Variants in CPED1 observed in about 807,000 individuals in gnomAD.
The protein encoded by CPED1 is cadherin-like and PC-esterase domain-containing protein 1.
CPED1 carries 114 observed loss-of-function variants against 128.2 expected under a neutral mutation model. That is an observed-to-expected ratio of 0.89 (90% CI 0.76 to 1.04). CPED1 has a LOEUF of 1.04. Among genes scored for constraint, CPED1 ranks in the 50% least tolerant of loss-of-function variants. The pLI, the probability that CPED1 is intolerant of heterozygous loss-of-function variation, is 0.00. For missense variants in CPED1, 1,211 were observed against 1,207.1 expected (o/e 1.00, Z -0.05); for synonymous variants, 462 against 426.7 (o/e 1.08, Z -1.02).
chr7:121,021,428 GT>G (rs1792438586), intron 3 of CPED1, among the ~76,000 whole-genome samples: 1 of 151,870 alleles, frequency 6.6e-6, no homozygotes, highest in African/African-American at 2.4e-5. Context: ...TGTTTCTGTA[GT>G]TTGTATAGAA....
chr7:120,990,713 T>C (rs1319744903), intron 2 of CPED1, among the ~76,000 whole-genome samples: 2 of 152,206 alleles, frequency 1.3e-5, no homozygotes, highest in Non-Finnish European at 1.5e-5. Flanking sequence ...CAAGTAGTAT[T>C]GTAGCAACAA....
At chr7:121,019,167 A>C (rs760959508) in intron 3 of CPED1, among the ~76,000 whole-genome samples, 7 of 152,038 alleles carry the variant, frequency 4.6e-5, no homozygotes, top group Admixed American at 6.6e-5. Context: ...TATGGGTGTT[A>C]TGTCACCCCA....
At chr7:121,143,593 A>G (rs967658356) in intron 16 of CPED1, among the ~76,000 whole-genome samples, 16 of 152,046 alleles carry the variant, frequency 1.1e-4, no homozygotes, top group Non-Finnish European at 1.8e-4. Context: ...AAATGTTTAA[A>G]AAAATAAACA....
At chr7:121,180,121 C>T (rs559606934) in intron 16 of CPED1, among the ~76,000 whole-genome samples, 1 of 152,082 alleles carries the variant, frequency 6.6e-6, no homozygotes. Context: ...ACATGGTGGT[C>T]CCAAAGACCA....
At chr7:120,992,277 A>G (rs914271810) in intron 2 of CPED1, among the ~76,000 whole-genome samples, 1 of 152,124 alleles carries the variant, frequency 6.6e-6, no homozygotes, top group African/African-American at 2.4e-5. Context: ...GGATTTTGTT[A>G]TTACTTTTAT....
At chr7:121,084,796 G>A (rs144139119) in intron 5 of CPED1, among the ~76,000 whole-genome samples, 212 of 152,360 alleles carry the variant, frequency 1.4e-3, no homozygotes, top group African/African-American at 4.7e-3. Context: ...GGGACAATGT[G>A]TTGTTGCACA....
At chr7:121,211,955 A>G (rs1335763589) in intron 16 of CPED1, among the ~76,000 whole-genome samples, 4 of 152,058 alleles carry the variant, frequency 2.6e-5, no homozygotes, top group African/African-American at 7.2e-5. Context: ...TTATATCTTG[A>G]CATTTCTTCA....
chr7:121,022,982 A>G (rs1161575042), intron 3 of CPED1, among the ~76,000 whole-genome samples: 1 of 152,070 alleles, frequency 6.6e-6, no homozygotes, highest in Non-Finnish European at 1.5e-5. Flanking sequence ...GCTATTCAGT[A>G]AATCATTGTT....
At chr7:121,286,362 G>A (rs1400572041) in intron 22 of CPED1, among the ~76,000 whole-genome samples, 1 of 152,150 alleles carries the variant, frequency 6.6e-6, no homozygotes, top group Admixed American at 6.5e-5. Context: ...CTGAAATTAA[G>A]TAGAAGACAC....
At chr7:121,162,687 C>T (rs1471186344) in intron 16 of CPED1, among the ~76,000 whole-genome samples, 3 of 152,218 alleles carry the variant, frequency 2.0e-5, no homozygotes, top group South Asian at 2.1e-4. Context: ...TAAACAATGT[C>T]ATCTGTTTCC....
chr7:120,989,763 G>T lies in CPED1; in HGVS notation c.142G>T (p.Ala48Ser). The change falls in exon 2 of 23, where the codon GCT (alanine) becomes TCT (serine). Residue 48 changes from alanine (A) to serine (S), a missense_variant. Coordinates refer to ENST00000310396, the MANE Select transcript of CPED1 (RefSeq NM_024913.5). ...SRKLTAAAPG[A>S]VPHTSTETQA... ...GAAGCTCACAGCCGCTGCCCCTGGG[G>T]CTGTCCCACACACATCCACTGAAAC... 2.5e-6 allele frequency: 4 copies of T among 1,613,886 alleles called. No homozygotes were observed. The highest frequency in any genetic ancestry group is 3.4e-6 in the Non-Finnish European group (4 of 1,180,002).
intron 16 of CPED1, among the ~76,000 whole-genome samples, chr7:121,203,400 T>TA (rs1764429227): frequency 6.6e-6 from 1 of 152,234 alleles, no homozygotes; most frequent in South Asian, 2.1e-4. Context: ...ACCCCCATGT[T>TA]AAAAAATAAT....
chr7:121,175,037 A>G (rs1023835338), intron 16 of CPED1, among the ~76,000 whole-genome samples: 9 of 152,154 alleles, frequency 5.9e-5, no homozygotes, highest in Non-Finnish European at 1.0e-4. Flanking sequence ...TAGTTGGTGT[A>G]GAGAAATGCT....
chr7:121,089,628 A>G (rs909488368), intron 5 of CPED1, among the ~76,000 whole-genome samples: 1 of 152,184 alleles, frequency 6.6e-6, no homozygotes, highest in Non-Finnish European at 1.5e-5. Context: ...AATTATTTCA[A>G]TGATATCTGA....
intron 18 of CPED1, among the ~76,000 whole-genome samples, chr7:121,256,154 C>T (rs1322693392): frequency 7.6e-6 from 1 of 131,512 alleles, no homozygotes; most frequent in African/African-American, 3.1e-5. Flanking sequence ...AAGCTTATGC[C>T]AAAGACATAA....
intron 5 of CPED1, among the ~76,000 whole-genome samples, chr7:121,087,848 G>C (rs1794472730): frequency 6.6e-6 from 1 of 151,510 alleles, no homozygotes; most frequent in African/African-American, 2.4e-5. Context: ...TTTTAGTAGA[G>C]ACAGGGTTTC....
intron 7 of CPED1, among the ~76,000 whole-genome samples, chr7:121,121,104 G>A (rs896149723): frequency 6.6e-6 from 1 of 152,072 alleles, no homozygotes; most frequent in African/African-American, 2.4e-5. Flanking sequence ...CTTATGGGAG[G>A]ATGGAGAGAA....
At chr7:121,159,493 A>C (rs1038206591) in intron 16 of CPED1, among the ~76,000 whole-genome samples, 1 of 152,190 alleles carries the variant, frequency 6.6e-6, no homozygotes, top group Non-Finnish European at 1.5e-5. Context: ...ATTCATTATG[A>C]TAAGAAAGAA....
At chr7:121,133,702 G>GT (rs554098571) in intron 12 of CPED1, 121 bp from the exon 13 acceptor site, 209 of 632,342 alleles carry the variant, frequency 3.3e-4, no homozygotes, top group African/African-American at 2.7e-3. Flanking sequence ...TGCAGAAAGC[G>GT]TTTTTTTGTG....
Sources: allele counts gnomAD v4.1 joint callset (sites outside exome capture counted in the v4.1 genomes callset), GRCh38; gene constraint gnomAD v4.1.1; transcripts MANE v1.5; gene names NCBI Gene and HGNC (gene_info 2026-07-23, HGNC 2026-07-21).